Variants in TTC23 observed in about 807,000 individuals in gnomAD.
TTC23 encodes the protein tetratricopeptide repeat domain 23, also known as tetratricopeptide repeat protein 23.
Under a neutral mutation model 55.1 loss-of-function variants are expected in TTC23, and 58 were observed. The ratio of observed to expected loss-of-function variants is 1.05; its 90% confidence interval spans 0.85 to 1.31. The LOEUF is 1.31. Among genes scored for constraint, TTC23 ranks in the 50% most tolerant of loss-of-function variants. The pLI, the probability that TTC23 is intolerant of heterozygous loss-of-function variation, is 0.00. For synonymous variants in TTC23, 203 were observed against 199.9 expected (o/e 1.02, Z -0.13); for missense variants, 516 against 534.4 (o/e 0.97, Z 0.34).
chr15:99,146,296 G>C (rs1448854541), intron 12 of TTC23, among the ~76,000 whole-genome samples: 1 of 152,214 alleles, frequency 6.6e-6, no homozygotes, highest in African/African-American at 2.4e-5. Flanking sequence ...GCCAAGGCAA[G>C]GGATGCAGAC....
intron 3 of TTC23, among the ~76,000 whole-genome samples, chr15:99,240,454 G>T (rs2079681138): frequency 6.6e-6 from 1 of 152,112 alleles, no homozygotes; most frequent in Admixed American, 6.5e-5. Flanking sequence ...AGTTTCACAT[G>T]AAGATGTAGA....
intron 9 of TTC23, among the ~76,000 whole-genome samples, chr15:99,180,353 A>C (rs1031803737): frequency 2.6e-5 from 4 of 152,242 alleles, no homozygotes; most frequent in African/African-American, 9.6e-5. Flanking sequence ...TTAAAAAAAA[A>C]AAAAACAAAA....
At chr15:99,192,466 T>C (rs907912860) in intron 9 of TTC23, among the ~76,000 whole-genome samples, 10 of 152,198 alleles carry the variant, frequency 6.6e-5, no homozygotes, top group African/African-American at 1.9e-4. Flanking sequence ...GGGGCCATCA[T>C]AGAGCTTGGG....
At chr15:99,198,120 C>A (rs2075896418) in intron 9 of TTC23, among the ~76,000 whole-genome samples, 1 of 152,158 alleles carries the variant, frequency 6.6e-6, no homozygotes, top group Non-Finnish European at 1.5e-5. Flanking sequence ...TCTCCCAGGG[C>A]AATCACTGTG....
Position 99,241,352 on chromosome 15 carries a change from T to TCAG in TTC23, c.-114+10_-114+12dup, listed in dbSNP as rs1205876788. 6.5e-6 allele frequency: 1 copy of TCAG among 153,080 alleles called. No homozygotes were observed. The highest frequency in any genetic ancestry group is 1.5e-5 in the Non-Finnish European group (1 of 68,764). The allele number at this position is 153,080 out of a possible 1,614,324, so 9.5% of individuals were successfully genotyped here. A position where few individuals can be genotyped will look rare whatever the true frequency, so the allele number is the denominator to read the frequency against. ...AACAAACAAACAAAAAACATGCTTC[T>TCAG]CAGTTCACTTACTTTGAGTTACATG... On this transcript the variant is annotated intron_variant, in intron 3 of 13. Coordinates refer to ENST00000394132, the MANE Select transcript of TTC23 (RefSeq NM_001288615.3).
intron 13 of TTC23, among the ~76,000 whole-genome samples, chr15:99,138,867 G>A (rs547137445): frequency 1.3e-5 from 2 of 152,346 alleles, no homozygotes; most frequent in African/African-American, 4.8e-5. Flanking sequence ...GGCTCTGTGA[G>A]GTAGGCCCTC....
At chr15:99,209,017 G>A (rs2076838483) in intron 8 of TTC23, among the ~76,000 whole-genome samples, 1 of 152,160 alleles carries the variant, frequency 6.6e-6, no homozygotes, top group Non-Finnish European at 1.5e-5. Context: ...AACAGAATGT[G>A]GCAGTATGTT....
At chr15:99,184,938 T>C (rs1390083834) in intron 9 of TTC23, among the ~76,000 whole-genome samples, 1 of 152,134 alleles carries the variant, frequency 6.6e-6, no homozygotes, top group Non-Finnish European at 1.5e-5. Context: ...CCCCATGCTG[T>C]TCTCGTGATG....
chr15:99,164,615 C>T (rs1021395585), intron 10 of TTC23, among the ~76,000 whole-genome samples: 1 of 152,202 alleles, frequency 6.6e-6, no homozygotes, highest in Non-Finnish European at 1.5e-5. Flanking sequence ...GAAATTTCCT[C>T]AATATTTGGT....
At chr15:99,156,118 G>A (rs199700206) in intron 12 of TTC23, 30 bp downstream of exon 12, 8 of 1,613,962 alleles carry the variant, frequency 5.0e-6, no homozygotes, top group Non-Finnish European at 6.8e-6. Flanking sequence ...GGAGAGCCTA[G>A]TCTCGTGTTA....
intron 10 of TTC23, among the ~76,000 whole-genome samples, chr15:99,163,004 G>T (rs2071578313): frequency 6.6e-6 from 1 of 152,074 alleles, no homozygotes; most frequent in Non-Finnish European, 1.5e-5. Context: ...GACTGTTTGA[G>T]CCCAGGAGGT....
rs2067643372 is a variant in TTC23 at position 99,137,016 on chromosome 15, C to G, written c.*994G>C. ...GGGGAGGGCCCTGTGCTGCAATCTG[C>G]TGTCATAGCACCAGCCTGCAGCCTC... On this transcript the variant is annotated 3_prime_UTR_variant, in exon 14 of 14. Coordinates refer to ENST00000394132, the MANE Select transcript of TTC23 (RefSeq NM_001288615.3). The G allele has an allele frequency of 6.6e-6, 1 of 152,298 alleles. No individual in the cohort carries two copies. Among genetic ancestry groups the G allele is most frequent in the African/African-American group, 2.4e-5 (1 of 41,436 alleles). The allele number at this position is 152,298 out of a possible 1,614,324, so 9.4% of individuals were successfully genotyped here.
chr15:99,197,291 A>G (rs2075815244), intron 9 of TTC23, among the ~76,000 whole-genome samples: 1 of 151,590 alleles, frequency 6.6e-6, no homozygotes. Context: ...GTTAGTAGAG[A>G]TGGGGTTTCA....
chr15:99,197,212 C>T (rs1363270142), intron 9 of TTC23, among the ~76,000 whole-genome samples: 1 of 152,098 alleles, frequency 6.6e-6, no homozygotes. Context: ...ACGCCATTCT[C>T]CTGCCTCAGC....
chr15:99,175,062 G>A lies in TTC23; in HGVS notation c.853C>T (p.His285Tyr), dbSNP rs1323403852. 3 of 1,613,992 alleles carry A rather than the reference G, an allele frequency of 1.9e-6. No individual in the cohort carries two copies. The highest frequency in any genetic ancestry group is 2.5e-6 in the Non-Finnish European group (3 of 1,180,004). Residue 285 changes from histidine to tyrosine, a missense_variant, in exon 10 of 14, where the codon CAC (histidine) becomes TAC (tyrosine). Transcript: ENST00000394132. Reference sequence around the variant, plus strand: ...GGATTCTTCTCACCATGGTGCTCGTGTCTCCCTGAAGCGACAGCAGCATGG... The same window carrying A: ...GGATTCTTCTCACCATGGTGCTCGTATCTCCCTGAAGCGACAGCAGCATGG... ...VAHAAVASGR[H>Y]EHHDVAEQYF... is the part of the protein sequence containing the mutation.
intron 12 of TTC23, among the ~76,000 whole-genome samples, chr15:99,147,479 C>A (rs1298162831): frequency 6.6e-6 from 1 of 152,162 alleles, no homozygotes; most frequent in Non-Finnish European, 1.5e-5. Context: ...CCTGCCTCAG[C>A]CTCCCAAAGT....
At chr15:99,163,985 T>G (rs1415133338) in intron 10 of TTC23, among the ~76,000 whole-genome samples, 2 of 152,160 alleles carry the variant, frequency 1.3e-5, no homozygotes, top group African/African-American at 2.4e-5. Flanking sequence ...ATAAGAACAA[T>G]TGCACTGGTT....
intron 9 of TTC23, among the ~76,000 whole-genome samples, chr15:99,193,628 G>A (rs760889168): frequency 7.9e-5 from 12 of 152,272 alleles, no homozygotes; most frequent in South Asian, 2.1e-4. Context: ...TATCAGCAGC[G>A]TGACAATGGA....
intron 12 of TTC23, chr15:99,139,828 T>C (rs933640732): frequency 1.9e-6 from 2 of 1,065,960 alleles, no homozygotes; most frequent in Non-Finnish European, 2.5e-6. Flanking sequence ...TCTATACTCT[T>C]GACTACACAG....
Sources: allele counts gnomAD v4.1 joint callset (sites outside exome capture counted in the v4.1 genomes callset), GRCh38; gene constraint gnomAD v4.1.1; transcripts MANE v1.5; gene names NCBI Gene and HGNC (gene_info 2026-07-23, HGNC 2026-07-21).